Variants in DCDC2C observed in about 807,000 individuals in gnomAD.
DCDC2C encodes doublecortin domain containing 2C.
DCDC2C carries 44 observed loss-of-function variants against 45.0 expected under a neutral mutation model. The ratio of observed to expected loss-of-function variants is 0.98; its 90% confidence interval spans 0.77 to 1.26. DCDC2C has a LOEUF of 1.26. Ranked by LOEUF, DCDC2C falls within the 50% of genes most tolerant of loss-of-function variation. The probability of loss-of-function intolerance (pLI) is 0.00; values close to 1 mark genes in which losing one functional copy is unlikely to be tolerated. For synonymous variants in DCDC2C, 187 were observed against 178.8 expected (o/e 1.05, Z -0.37); for missense variants, 447 against 468.9 (o/e 0.95, Z 0.43).
intron 2 of DCDC2C, among the ~76,000 whole-genome samples, chr2:3,720,112 CTGCACTTG>C (rs1356900491): frequency 2.6e-5 from 4 of 152,212 alleles, no homozygotes; most frequent in African/African-American, 9.6e-5. Context: ...GCTGTGGAAA[CTGCACTTG>C]TCCCCTCTGG....
chr2:3,767,308 C>A (rs1220377511), intron 6 of DCDC2C, among the ~76,000 whole-genome samples: 3 of 152,224 alleles, frequency 2.0e-5, no homozygotes, highest in Non-Finnish European at 4.4e-5. Context: ...ATGGCTAATT[C>A]TCCTCACAGA....
At chr2:3,729,314 TGGA>T (rs1668791077) in intron 3 of DCDC2C, among the ~76,000 whole-genome samples, 1 of 152,120 alleles carries the variant, frequency 6.6e-6, no homozygotes, top group Non-Finnish European at 1.5e-5. Context: ...CAGGCAGAAC[TGGA>T]GAAGAAGGGG....
intron 6 of DCDC2C, 126 bp downstream of exon 6, chr2:3,754,760 C>A: frequency 1.3e-6 from 1 of 744,118 alleles, no homozygotes; most frequent in Non-Finnish European, 2.2e-6. Context: ...GGGCCTGGGC[C>A]AGCATCAGTG....
At chr2:3,746,186 G>C (rs1386785420) in intron 4 of DCDC2C, among the ~76,000 whole-genome samples, 1 of 152,192 alleles carries the variant, frequency 6.6e-6, no homozygotes, top group African/African-American at 2.4e-5. Context: ...GAGCAGCTAC[G>C]GTGAGGGCAG....
At chr2:3,833,446 G>A (rs569538132) in intron 10 of DCDC2C, among the ~76,000 whole-genome samples, 1 of 152,142 alleles carries the variant, frequency 6.6e-6, no homozygotes, top group African/African-American at 2.4e-5. Context: ...TCTTTCATTT[G>A]CGTCTGACAC....
At chr2:3,732,876 T>C (rs1402808837) in intron 3 of DCDC2C, among the ~76,000 whole-genome samples, 1 of 152,142 alleles carries the variant, frequency 6.6e-6, no homozygotes, top group Non-Finnish European at 1.5e-5. Flanking sequence ...CTTAGCCAGA[T>C]TGGACTTTGG....
chr2:3,746,692 C>T (rs1342181759), intron 4 of DCDC2C, among the ~76,000 whole-genome samples: 2 of 152,158 alleles, frequency 1.3e-5, no homozygotes, highest in East Asian at 3.9e-4. Context: ...TTCCTTGACA[C>T]TGAGGATTGC....
In DCDC2C at chr2:3,754,575, C is replaced by T; in HGVS notation, c.684-17C>T. 2 of 1,547,894 alleles carry T rather than the reference C, an allele frequency of 1.3e-6. No individual in the cohort carries two copies. The highest frequency in any genetic ancestry group is 1.7e-6 in the Non-Finnish European group (2 of 1,146,104). The stretch of plus-strand genomic sequence containing the variant: ...GCCGGGCTTTACATTTCAAGTTGAA[C>T]ATCTTTTGTCTTGCAGAAGGTATGC... On this transcript the variant is annotated splice_polypyrimidine_tract_variant and intron_variant, in intron 5 of 10. Transcript: ENST00000399143.
intron 10 of DCDC2C, among the ~76,000 whole-genome samples, chr2:3,833,828 A>G (rs1331376340): frequency 6.6e-6 from 1 of 152,218 alleles, no homozygotes; most frequent in Non-Finnish European, 1.5e-5. Context: ...TTAGATGTTC[A>G]GAAGCTCTTT....
chr2:3,748,541 C>T (rs929554854), intron 4 of DCDC2C, among the ~76,000 whole-genome samples: 10 of 152,122 alleles, frequency 6.6e-5, no homozygotes, highest in African/African-American at 2.2e-4. Flanking sequence ...TTTTTGGACG[C>T]GTCCAGTTGG....
Position 3,784,025 on chromosome 2 carries a change from A to G in DCDC2C, c.1024-1034A>G, listed in dbSNP as rs73910370. Among the ~76,000 whole-genome samples the G allele has an allele frequency of 2.4e-3, 368 of 152,322 alleles. 2 individuals are homozygous for G. Among genetic ancestry groups the G allele is most frequent in the African/African-American group, 8.5e-3 (353 of 41,550 alleles). On this transcript the variant is annotated intron_variant, in intron 9 of 10. Transcript: ENST00000399143. ...AAAAAGAAAGGCAAATAAGACAAAC[A>G]GGAAATTCACAAAGAAGAATACAAA...
At chr2:3,770,035 G>A (rs1001457671) in intron 8 of DCDC2C, among the ~76,000 whole-genome samples, 2 of 152,160 alleles carry the variant, frequency 1.3e-5, no homozygotes, top group Non-Finnish European at 2.9e-5. Flanking sequence ...TCAGGCCAGG[G>A]TTCCAGCCCA....
intron 2 of DCDC2C, among the ~76,000 whole-genome samples, chr2:3,712,029 T>G (rs1269040475): frequency 6.6e-6 from 1 of 152,140 alleles, no homozygotes; most frequent in African/African-American, 2.4e-5. Context: ...TATTATTGTT[T>G]GTTGTGTAAA....
chr2:3,782,465 G>A (rs1231294083), intron 9 of DCDC2C, among the ~76,000 whole-genome samples: 1 of 150,012 alleles, frequency 6.7e-6, no homozygotes, highest in Non-Finnish European at 1.5e-5. Flanking sequence ...TTGGAACACT[G>A]GGATTTTCTT....
At chr2:3,794,273 C>T (rs1670897414) in intron 10 of DCDC2C, among the ~76,000 whole-genome samples, 1 of 152,142 alleles carries the variant, frequency 6.6e-6, no homozygotes, top group Non-Finnish European at 1.5e-5. Context: ...ATATTTTCAT[C>T]AACATCTTTA....
chr2:3,736,335 C>T (rs1213833311), intron 3 of DCDC2C, among the ~76,000 whole-genome samples: 1 of 152,134 alleles, frequency 6.6e-6, no homozygotes, highest in Non-Finnish European at 1.5e-5. Flanking sequence ...AGTCGTGAGG[C>T]ACAGGATCAA....
At chr2:3,764,393 A>T (rs908137213) in intron 6 of DCDC2C, among the ~76,000 whole-genome samples, 4 of 152,222 alleles carry the variant, frequency 2.6e-5, no homozygotes, top group African/African-American at 9.6e-5. Context: ...AGAAGTCAAG[A>T]TCTTCCACTT....
chr2:3,762,798 G>A (rs901992772), intron 6 of DCDC2C, among the ~76,000 whole-genome samples: 10 of 152,144 alleles, frequency 6.6e-5, no homozygotes, highest in African/African-American at 2.4e-4. Flanking sequence ...GGAACAAGAC[G>A]ACCTTTGAGT....
intron 10 of DCDC2C, among the ~76,000 whole-genome samples, chr2:3,834,731 C>T (rs185318898): frequency 3.4e-4 from 51 of 152,150 alleles, no homozygotes; most frequent in African/African-American, 1.2e-3. Context: ...GACTAGTTGC[C>T]GGGGCTGGGG....
Sources: gnomAD v4.1 joint callset for allele counts (sites outside exome capture counted in the v4.1 genomes callset) on GRCh38, gnomAD v4.1.1 for gene constraint, MANE v1.5 for transcripts, NCBI Gene and HGNC (gene_info 2026-07-23, HGNC 2026-07-21) for gene names.